Variants in NXPE2 observed in about 807,000 individuals in gnomAD.
NXPE2 encodes NXPE family member 2.
NXPE2 carries 34 observed loss-of-function variants against 34.4 expected under a neutral mutation model. The observed-to-expected ratio is 0.99, with a 90% CI of 0.75 to 1.31. The LOEUF is 1.31. Among genes scored for constraint, NXPE2 ranks in the 40% most tolerant of loss-of-function variants. The pLI is 0.00. For missense variants in NXPE2, 649 were observed against 672.5 expected, an observed-to-expected ratio of 0.97 and a Z score of 0.39; for synonymous variants, 235 against 231.3, an observed-to-expected ratio of 1.02 and a Z score of -0.15.
At chr11:114,785,794 T>C in the NXPE2 span, among the ~76,000 whole-genome samples, 1 of 152,178 alleles carries the variant, frequency 6.6e-6, no homozygotes, top group Non-Finnish European at 1.5e-5. Context: ...TTCCCCTAGT[T>C]TTAGGCCTAA....
chr11:114,637,078 T>C, the NXPE2 span, among the ~76,000 whole-genome samples: 1 of 151,832 alleles, frequency 6.6e-6, no homozygotes, highest in Non-Finnish European at 1.5e-5. Context: ...AAGTCTCCCA[T>C]TATTAACGTG....
chr11:114,773,433 T>C, the NXPE2 span, among the ~76,000 whole-genome samples: 1 of 152,036 alleles, frequency 6.6e-6, no homozygotes, highest in Non-Finnish European at 1.5e-5. Context: ...TCAAGATCCT[T>C]CTAAAGAATG....
At chr11:114,703,733 ATAGATAGATGT>A in intron 3 of NXPE2, among the ~76,000 whole-genome samples, 1 of 151,886 alleles carries the variant, frequency 6.6e-6, no homozygotes, top group South Asian at 2.1e-4. Context: ...AGACAGATAG[ATAGATAGATGT>A]TAGATAGATT....
upstream of NXPE2, among the ~76,000 whole-genome samples, chr11:114,675,083 T>C (rs933955257): frequency 6.6e-6 from 1 of 151,752 alleles, no homozygotes; most frequent in African/African-American, 2.4e-5. Context: ...GAAAAAGGAT[T>C]TGACAATATT....
the NXPE2 span, among the ~76,000 whole-genome samples, chr11:114,505,926 G>A: frequency 6.6e-6 from 1 of 151,844 alleles, no homozygotes; most frequent in Non-Finnish European, 1.5e-5. Flanking sequence ...ACACAAAATG[G>A]CAAGCTGGGT....
the NXPE2 span, among the ~76,000 whole-genome samples, chr11:114,548,680 T>C: frequency 6.6e-6 from 1 of 152,010 alleles, no homozygotes; most frequent in Non-Finnish European, 1.5e-5. Context: ...GTTAAGTTTA[T>C]AGCATTAAGT....
At chr11:114,668,067 G>A in the NXPE2 span, among the ~76,000 whole-genome samples, 1 of 151,770 alleles carries the variant, frequency 6.6e-6, no homozygotes, top group East Asian at 2.0e-4. Flanking sequence ...TTAGGGAGAA[G>A]GATGTTCAGG....
the NXPE2 span, among the ~76,000 whole-genome samples, chr11:114,604,734 G>C: frequency 1.3e-5 from 2 of 151,204 alleles, no homozygotes; most frequent in Non-Finnish European, 2.9e-5. Context: ...ACTGTTACTC[G>C]GTGGATAATA....
the NXPE2 span, among the ~76,000 whole-genome samples, chr11:114,589,729 C>T: frequency 7.9e-5 from 12 of 152,060 alleles, no homozygotes; most frequent in Non-Finnish European, 1.0e-4. Context: ...TTTTCCTAAT[C>T]GGAGACAATA....
chr11:114,571,754 C>T, the NXPE2 span, among the ~76,000 whole-genome samples: 248 of 152,280 alleles, frequency 1.6e-3, no homozygotes, highest in African/African-American at 5.5e-3. Context: ...AACTTCTGCT[C>T]CAAGAACTGC....
chr11:114,795,922 A>G, the NXPE2 span, among the ~76,000 whole-genome samples: 7 of 152,318 alleles, frequency 4.6e-5, no homozygotes, highest in East Asian at 1.3e-3. Flanking sequence ...CTTATATGGT[A>G]TGATTTGCCT....
chr11:114,555,103 G>T, the NXPE2 span, among the ~76,000 whole-genome samples: 2 of 149,888 alleles, frequency 1.3e-5, no homozygotes, highest in African/African-American at 2.5e-5. Flanking sequence ...TCTTCAATTT[G>T]TGGTTCTTTT....
chr11:114,770,625 T>C, the NXPE2 span, among the ~76,000 whole-genome samples: 1 of 152,244 alleles, frequency 6.6e-6, no homozygotes, highest in Non-Finnish European at 1.5e-5. Context: ...AGATGAGCCA[T>C]GTCTCCATAC....
chr11:114,680,781 C>T (rs1302489893), intron 2 of NXPE2, among the ~76,000 whole-genome samples: 1 of 152,118 alleles, frequency 6.6e-6, no homozygotes. Flanking sequence ...AGCATGCTAA[C>T]ATTTGAGAAT....
chr11:114,567,325 C>T, the NXPE2 span, among the ~76,000 whole-genome samples: 6 of 152,108 alleles, frequency 3.9e-5, no homozygotes, highest in Non-Finnish European at 7.4e-5. Context: ...TACTTGTTCA[C>T]ACCCCTGGTT....
At chr11:114,568,654 C>A in the NXPE2 span, among the ~76,000 whole-genome samples, 1 of 152,124 alleles carries the variant, frequency 6.6e-6, no homozygotes, top group African/African-American at 2.4e-5. Flanking sequence ...GTTTCTCTAA[C>A]TTCTCAAGCC....
chr11:114,800,298 T>C, the NXPE2 span, among the ~76,000 whole-genome samples: 2 of 152,236 alleles, frequency 1.3e-5, no homozygotes, highest in East Asian at 3.8e-4. Flanking sequence ...GCACATGATA[T>C]AATTTTTCTT....
the NXPE2 span, among the ~76,000 whole-genome samples, chr11:114,790,435 AAGG>A: frequency 6.6e-6 from 1 of 152,202 alleles, no homozygotes; most frequent in Non-Finnish European, 1.5e-5. Flanking sequence ...CATTTTATAG[AAGG>A]AGAAGTTACA....
At chr11:114,690,199 C>T (rs147893942) in intron 2 of NXPE2, among the ~76,000 whole-genome samples, 15 of 152,104 alleles carry the variant, frequency 9.9e-5, no homozygotes, top group African/African-American at 1.9e-4. Context: ...GGGTTATGGA[C>T]GTGTGTGTGC....
Sources: allele counts gnomAD v4.1 joint callset (sites outside exome capture counted in the v4.1 genomes callset), GRCh38; gene constraint gnomAD v4.1.1; transcripts MANE v1.5; gene names NCBI Gene and HGNC (gene_info 2026-07-23, HGNC 2026-07-21).